Variants in CNBD1 observed in about 807,000 individuals in gnomAD.
CNBD1 encodes the protein cyclic nucleotide binding domain containing 1, also known as cyclic nucleotide-binding domain-containing protein 1.
Under a neutral mutation model 54.4 loss-of-function variants are expected in CNBD1, and 71 were observed. That is an observed-to-expected ratio of 1.30 (90% CI 1.08 to 1.59). The LOEUF is 1.59. Among genes scored for constraint, CNBD1 ranks in the 40% most tolerant of loss-of-function variants. The pLI is 0.00. For synonymous variants in CNBD1, 182 were observed against 170.7 expected (o/e 1.07, Z -0.51); for missense variants, 659 against 518.0 (o/e 1.27, Z -2.64).
intron 8 of CNBD1, among the ~76,000 whole-genome samples, chr8:87,333,837 G>C (rs891158041): frequency 1.3e-5 from 2 of 151,744 alleles, no homozygotes; most frequent in Non-Finnish European, 1.5e-5. Context: ...TCTTTTTTTT[G>C]TTGTGTTCCT....
At chr8:87,230,627 A>G (rs1814664535) in intron 5 of CNBD1, among the ~76,000 whole-genome samples, 1 of 152,154 alleles carries the variant, frequency 6.6e-6, no homozygotes, top group Non-Finnish European at 1.5e-5. Context: ...TGCAGTAACA[A>G]TGTATGGTTT....
chr8:87,032,712 C>T (rs997828760), intron 4 of CNBD1, among the ~76,000 whole-genome samples: 1 of 152,154 alleles, frequency 6.6e-6, no homozygotes, highest in Non-Finnish European at 1.5e-5. Context: ...ATCATTCTTC[C>T]ACCATTTGCT....
intron 2 of CNBD1, among the ~76,000 whole-genome samples, chr8:87,400,128 C>A (rs374520902): frequency 6.6e-6 from 1 of 151,886 alleles, no homozygotes; most frequent in African/African-American, 2.4e-5. Flanking sequence ...CCTGTCTGAG[C>A]GACTCCCGAG....
intron 4 of CNBD1, among the ~76,000 whole-genome samples, chr8:87,134,062 T>C (rs1446059275): frequency 1.3e-5 from 2 of 152,188 alleles, no homozygotes; most frequent in Non-Finnish European, 2.9e-5. Context: ...ACATATAATC[T>C]TGTTATTGGA....
chr8:87,202,726 A>G (rs926733715), intron 4 of CNBD1, among the ~76,000 whole-genome samples: 1 of 152,178 alleles, frequency 6.6e-6, no homozygotes, highest in Non-Finnish European at 1.5e-5. Flanking sequence ...ATGCCTGAGT[A>G]CTGAATGAGT....
intron 4 of CNBD1, among the ~76,000 whole-genome samples, chr8:87,137,341 C>T (rs2130734549): frequency 6.6e-6 from 1 of 151,066 alleles, no homozygotes; most frequent in Non-Finnish European, 1.5e-5. Flanking sequence ...GGACTACAGG[C>T]GCCAGCCACC....
At chr8:87,320,624 G>GA (rs1379523771) in intron 8 of CNBD1, among the ~76,000 whole-genome samples, 1 of 146,190 alleles carries the variant, frequency 6.8e-6, no homozygotes, top group Non-Finnish European at 1.5e-5. Flanking sequence ...GTGTGTGGGG[G>GA]GGCGGCTCAG....
chr8:87,424,296 G>C (rs1164848702), intron 2 of CNBD1, among the ~76,000 whole-genome samples: 2 of 151,894 alleles, frequency 1.3e-5, no homozygotes, highest in African/African-American at 4.8e-5. Context: ...TCTGATTTTA[G>C]TTACTTCTTG....
intron 5 of CNBD1, among the ~76,000 whole-genome samples, chr8:87,220,917 A>G (rs904207071): frequency 6.6e-6 from 1 of 152,110 alleles, no homozygotes; most frequent in African/African-American, 2.4e-5. Context: ...GTTACATGAG[A>G]ATGCCACTAT....
chr8:87,297,163 CAAAA>C (rs555582073), intron 8 of CNBD1, among the ~76,000 whole-genome samples: 18 of 88,732 alleles, frequency 2.0e-4, no homozygotes, highest in Admixed American at 1.4e-3. Context: ...GGGTCCGTCT[CAAAA>C]AAAAAAAAAA....
chr8:87,115,833 C>A (rs1426717120), intron 4 of CNBD1, among the ~76,000 whole-genome samples: 1 of 152,190 alleles, frequency 6.6e-6, no homozygotes, highest in Admixed American at 6.5e-5. Context: ...CTTCCCAAGT[C>A]TCCATATTCA....
At chr8:86,956,937 G>T (rs1460518163) in intron 4 of CNBD1, among the ~76,000 whole-genome samples, 1 of 152,136 alleles carries the variant, frequency 6.6e-6, no homozygotes, top group African/African-American at 2.4e-5. Context: ...TCCAGTTTTT[G>T]CCCATTCAGT....
intron 4 of CNBD1, among the ~76,000 whole-genome samples, chr8:87,066,140 G>A (rs959452987): frequency 2.0e-5 from 3 of 151,974 alleles, no homozygotes; most frequent in African/African-American, 4.8e-5. Context: ...GAAAGGTAAT[G>A]TGCAAGTCAG....
intron 3 of CNBD1, among the ~76,000 whole-genome samples, chr8:86,925,306 T>A (rs573823642): frequency 6.6e-6 from 1 of 152,304 alleles, no homozygotes; most frequent in African/African-American, 2.4e-5. Flanking sequence ...CAGATGGAGT[T>A]AACTTAGTGT....
intron 4 of CNBD1, among the ~76,000 whole-genome samples, chr8:87,167,280 G>A (rs1033744411): frequency 6.6e-6 from 1 of 151,890 alleles, no homozygotes; most frequent in Non-Finnish European, 1.5e-5. Context: ...AGGGTACTTA[G>A]TATATCGAAC....
At chr8:86,919,018 T>A (rs1170440293) in intron 3 of CNBD1, among the ~76,000 whole-genome samples, 3 of 151,902 alleles carry the variant, frequency 2.0e-5, no homozygotes, top group Non-Finnish European at 4.4e-5. Context: ...GAAAATATCA[T>A]GCTTTTTTTT....
At chr8:87,369,242 G>T (rs1426915919) in intron 10 of CNBD1, among the ~76,000 whole-genome samples, 1 of 151,954 alleles carries the variant, frequency 6.6e-6, no homozygotes, top group Non-Finnish European at 1.5e-5. Flanking sequence ...CATTGATATA[G>T]CTAAGAAGCC....
intron 2 of CNBD1, among the ~76,000 whole-genome samples, chr8:87,392,179 A>T (rs1463690338): frequency 6.6e-6 from 1 of 152,160 alleles, no homozygotes; most frequent in African/African-American, 2.4e-5. Context: ...ATGTGAAAAA[A>T]TTCGTGCTCT....
At chr8:87,189,210 C>G (rs533336641) in intron 4 of CNBD1, among the ~76,000 whole-genome samples, 1 of 152,222 alleles carries the variant, frequency 6.6e-6, no homozygotes, top group South Asian at 2.1e-4. Flanking sequence ...CTTACTTATA[C>G]CCTTTTTTGT....
Sources: allele counts gnomAD v4.1 joint callset (sites outside exome capture counted in the v4.1 genomes callset), GRCh38; gene constraint gnomAD v4.1.1; transcripts MANE v1.5; gene names NCBI Gene and HGNC (gene_info 2026-07-23, HGNC 2026-07-21).